PROX1: variants seen among roughly 807,000 people sequenced by gnomAD.
PROX1 encodes prospero homeobox 1, also known as prospero homeobox protein 1.
In PROX1, 7 loss-of-function variants were observed where a neutral mutation model predicts 58.8. The observed-to-expected ratio is 0.12, with a 90% confidence interval of 0.07 to 0.22. The LOEUF (loss-of-function observed/expected upper bound fraction) is 0.22, where lower values mean the gene tolerates loss of function less well. Among genes scored for constraint, PROX1 ranks in the 10% least tolerant of loss-of-function variants. The pLI, the probability that PROX1 is intolerant of heterozygous loss-of-function variation, is 1.00. For missense variants in PROX1, 675 were observed against 927.8 expected, an observed-to-expected ratio of 0.73 and a Z score of 3.54; for synonymous variants, 350 against 358.3, an observed-to-expected ratio of 0.98 and a Z score of 0.26.
At position 213,996,791 on chromosome 1, in the gene PROX1, C is replaced by A. The variant is rs201731499; in HGVS notation, c.256C>A (p.Pro86Thr). Residue 86 changes from proline (P) to threonine (T), a missense_variant, in exon 2 of 5, where the codon CCT (proline) becomes ACT (threonine). This residue lies in a region of PROX1 where 157 missense variants were observed against 197.8 expected (regional missense o/e 0.79). Coordinates refer to ENST00000366958, the MANE Select transcript of PROX1 (RefSeq NM_001270616.2). ...GAACTCGTATGAAGATGCCATGATG[C>A]CTTTTCCAGGAGCAACCATAATTTC... ...RANSYEDAMM[P>T]FPGATIISQL... is the part of the protein sequence containing the mutation. 8.7e-6 allele frequency: 14 copies of A among 1,614,000 alleles called. No individual in the cohort carries two copies. The highest frequency in any genetic ancestry group is 1.3e-5 in the African/African-American group (1 of 74,878).
intron 2 of PROX1, among the ~76,000 whole-genome samples, chr1:213,999,861 G>C (rs1304332383): frequency 6.6e-6 from 1 of 152,142 alleles, no homozygotes; most frequent in Non-Finnish European, 1.5e-5. Flanking sequence ...TGATGAGAAA[G>C]GCAAAGTAAG....
chr1:214,005,962 G>A (rs1050223849), intron 3 of PROX1, among the ~76,000 whole-genome samples: 1 of 151,496 alleles, frequency 6.6e-6, no homozygotes, highest in Non-Finnish European at 1.5e-5. Flanking sequence ...GTGTGTGTGT[G>A]TATGTGTCTG....
chr1:214,028,588 T>G (rs1199798337), intron 4 of PROX1, among the ~76,000 whole-genome samples: 3 of 152,206 alleles, frequency 2.0e-5, no homozygotes, highest in Non-Finnish European at 2.9e-5. Flanking sequence ...CAGTGAATGC[T>G]TCCCAGGAAT....
Position 213,997,393 on chromosome 1 carries a change from C to T in PROX1, c.858C>T (p.Ala286=). The T allele has an allele frequency of 6.2e-7, 1 of 1,614,004 alleles. No individual in the cohort carries two copies. Among genetic ancestry groups the T allele is most frequent in the Non-Finnish European group, 8.5e-7 (1 of 1,179,992 alleles). Residue 286 remains alanine (A), a synonymous_variant, in exon 2 of 5, where the codon GCC becomes GCT. Transcript: ENST00000366958. The surrounding 1 kb of genome is among the most constrained non-coding windows in gnomAD (Gnocchi z 7.1). ...GCATGCGCTCGGAGATCCTGGATGC[C>T]AGGGCCCAGGACTCTGTCGGAAGGT... is the stretch of plus-strand genomic sequence containing the variant. The part of the protein sequence containing the change: ...EDSMRSEILD[A]RAQDSVGRSD...
chr1:214,009,764 G>C (rs956768211), intron 3 of PROX1, among the ~76,000 whole-genome samples: 1 of 151,958 alleles, frequency 6.6e-6, no homozygotes, highest in Non-Finnish European at 1.5e-5. Flanking sequence ...TTCCTCTACA[G>C]TACTCTTGTC....
At chr1:213,995,745 A>G (rs1663238771) in intron 1 of PROX1, among the ~76,000 whole-genome samples, 1 of 152,202 alleles carries the variant, frequency 6.6e-6, no homozygotes, top group South Asian at 2.1e-4. Context: ...TTACATTAAG[A>G]TATATCAACA....
intron 2 of PROX1, among the ~76,000 whole-genome samples, chr1:214,002,137 G>A (rs1179159686): frequency 1.3e-5 from 2 of 152,156 alleles, no homozygotes; most frequent in Non-Finnish European, 2.9e-5. Flanking sequence ...CTACAATCCA[G>A]AGTTTAGCTG....
At chr1:214,017,970 C>T (rs775124499) in intron 4 of PROX1, among the ~76,000 whole-genome samples, 6 of 152,212 alleles carry the variant, frequency 3.9e-5, no homozygotes, top group Non-Finnish European at 8.8e-5. Context: ...AGCAAGTTCT[C>T]TTCTGAGAGC....
intron 1 of PROX1, among the ~76,000 whole-genome samples, chr1:213,993,767 A>G (rs1663122481): frequency 6.6e-6 from 1 of 152,216 alleles, no homozygotes; most frequent in South Asian, 2.1e-4. Flanking sequence ...GTCCTGGATT[A>G]TATAATTTAT....
chr1:214,031,066 T>TGTGTGCGC (rs1231686198), intron 4 of PROX1, among the ~76,000 whole-genome samples: 284 of 95,122 alleles, frequency 3.0e-3, no homozygotes, highest in East Asian at 0.011. Flanking sequence ...TGTGTGTGTG[T>TGTGTGCGC]GCGCGCGCGC....
intron 4 of PROX1, among the ~76,000 whole-genome samples, chr1:214,020,820 T>A (rs1411113862): frequency 1.3e-5 from 2 of 152,178 alleles, no homozygotes; most frequent in Non-Finnish European, 2.9e-5. Context: ...AGGAGTTAAG[T>A]GTATATTTTA....
Position 214,038,073 on chromosome 1 carries a change from CTT to C in PROX1, c.*2240_*2241del, listed in dbSNP as rs1199409049. On this transcript the variant is annotated 3_prime_UTR_variant, in exon 5 of 5. Transcript: ENST00000366958. ...GGGCGAGTTCAATATTGATTCCAGA[CTT>C]ATTTGGATTTTTTTAGTATTATTTT... 1 of 152,172 alleles carries C rather than the reference CTT, an allele frequency of 6.6e-6. No individual in the cohort carries two copies. The highest frequency in any genetic ancestry group is 1.5e-5 in the Non-Finnish European group (1 of 68,032). The allele number at this position is 152,172 out of a possible 1,614,324, so 9.4% of individuals were successfully genotyped here.
intron 4 of PROX1, among the ~76,000 whole-genome samples, chr1:214,015,956 C>T (rs1664080418): frequency 6.6e-6 from 1 of 152,080 alleles, no homozygotes; most frequent in Non-Finnish European, 1.5e-5. Context: ...CGCTAAAGGC[C>T]CAGGTTTGGG....
At chr1:213,995,562 T>C (rs965732316) in intron 1 of PROX1, among the ~76,000 whole-genome samples, 2 of 152,138 alleles carry the variant, frequency 1.3e-5, no homozygotes, top group African/African-American at 2.4e-5. Flanking sequence ...TTGGCAGATT[T>C]AAACAGAAGG....
At chr1:214,013,224 T>C (rs1331937030) in intron 4 of PROX1, among the ~76,000 whole-genome samples, 1 of 152,072 alleles carries the variant, frequency 6.6e-6, no homozygotes, top group Non-Finnish European at 1.5e-5. Context: ...TATTTTAAAA[T>C]CTGTTTTTAA....
intron 3 of PROX1, among the ~76,000 whole-genome samples, chr1:214,006,356 T>C (rs1287387562): frequency 1.3e-5 from 2 of 152,310 alleles, no homozygotes; most frequent in Non-Finnish European, 2.9e-5. Flanking sequence ...TTTGGCCTTA[T>C]AAGAAAAGTT....
intron 1 of PROX1, among the ~76,000 whole-genome samples, chr1:213,994,961 T>G (rs1324006897): frequency 2.0e-5 from 3 of 151,768 alleles, no homozygotes; most frequent in Non-Finnish European, 2.9e-5. Context: ...ATTTTCTTGA[T>G]TTTTACAGGT....
In PROX1 at chr1:214,011,732, A is replaced by G. The variant is rs2102731695; in HGVS notation, c.2028+17A>G. The G allele has an allele frequency of 2.0e-6, 3 of 1,532,880 alleles. No individual in the cohort carries two copies. The highest frequency in any genetic ancestry group is 2.3e-5 in the East Asian group (1 of 43,190). The allele number at this position is 1,532,880 out of a possible 1,614,324, so 95.0% of individuals were successfully genotyped here. On this transcript the variant is annotated intron_variant, in intron 4 of 4. Transcript: ENST00000366958. ...GACTTTGAGGTAGGAACTAATCTTT[A>G]TTTTTTGGTCATCTCCCTTTTCCTT...
chr1:213,996,905 C>T lies in PROX1; in HGVS notation c.370C>T (p.His124Tyr), dbSNP rs1663287462. The change falls in exon 2 of 5, where the codon CAT becomes TAT. Residue 124 changes from histidine to tyrosine, a missense_variant. His to Tyr is a moderately conservative substitution (Grantham distance 83, BLOSUM62 2). Around this residue, in one of 8 missense-constraint regions of PROX1, gnomAD observed 157 missense variants for 197.8 expected, o/e 0.79. Transcript: ENST00000366958. ...SGLSSTGSEV[H>Y]QEDICSNSSR... ...TCTCTCTAGTACAGGCTCCGAAGTA[C>T]ATCAGGAGGATATATGCAGCAACTC... 2 of 1,613,994 alleles carry T rather than the reference C, an allele frequency of 1.2e-6. No homozygotes were observed. Among genetic ancestry groups the T allele is most frequent in the East Asian group, 2.2e-5 (1 of 44,882 alleles).
Sources: allele counts gnomAD v4.1 joint callset (sites outside exome capture counted in the v4.1 genomes callset), GRCh38; gene constraint gnomAD v4.1.1; regional missense constraint gnomAD v4.1.1; non-coding constraint Gnocchi (gnomAD v3.1); transcripts MANE v1.5; gene names NCBI Gene and HGNC (gene_info 2026-07-23, HGNC 2026-07-21).